GLP1R: variants seen among roughly 807,000 people sequenced by gnomAD.
GLP1R encodes the protein glucagon like peptide 1 receptor, also known as glucagon-like peptide 1 receptor.
A neutral mutation model predicts 68.4 loss-of-function variants in GLP1R; 32 were observed. The observed-to-expected ratio is 0.47, with a 90% CI of 0.35 to 0.63. The LOEUF (loss-of-function observed/expected upper bound fraction) is 0.63. Ranked by LOEUF, GLP1R falls within the 20% of genes least tolerant of loss-of-function variation. GLP1R has a pLI of 0.00. For missense variants in GLP1R, 502 were observed against 594.9 expected (o/e 0.84, Z 1.62); for synonymous variants, 263 against 244.4 (o/e 1.08, Z -0.71).
chr6:39,077,272 C>T (rs1768856504), intron 7 of GLP1R, among the ~76,000 whole-genome samples: 1 of 152,206 alleles, frequency 6.6e-6, no homozygotes, highest in Non-Finnish European at 1.5e-5. Flanking sequence ...TCTCTGAGAC[C>T]TCCTTCTAGG....
At position 39,053,314 on chromosome 6, in the gene GLP1R, C is replaced by A. The variant is rs1326228340; in HGVS notation, c.79-3083C>A. Among the ~76,000 whole-genome samples, 3 of 152,210 alleles carry A rather than the reference C, an allele frequency of 2.0e-5. No homozygotes were observed. The South Asian group carries it at 6.2e-4, about 31-fold the overall frequency. On this transcript the variant is annotated intron_variant, in intron 1 of 12. Coordinates refer to ENST00000373256, the MANE Select transcript of GLP1R (RefSeq NM_002062.5). ...GGGGACACTGGTGGGCAGGGCCTTG[C>A]CCCTCCTCACAGGGCATGGGGTCCA...
At chr6:39,056,611 G>C in intron 2 of GLP1R, 118 bp downstream of exon 2, 1 of 599,856 alleles carries the variant, frequency 1.7e-6, no homozygotes, top group Non-Finnish European at 3.1e-6. Flanking sequence ...TGCCACCCCT[G>C]CCCTCTGCCT....
chr6:39,051,581 C>T (rs371871228), intron 1 of GLP1R, among the ~76,000 whole-genome samples: 3 of 152,276 alleles, frequency 2.0e-5, no homozygotes, highest in African/African-American at 7.2e-5. Flanking sequence ...TGCCTTGCAC[C>T]AAGGCAAAAC....
chr6:39,079,017 T>G lies in GLP1R; in HGVS notation c.945T>G (p.Phe315Leu). 2 of 1,614,004 alleles carry G rather than the reference T, an allele frequency of 1.2e-6. No individual in the cohort carries two copies. The highest frequency in any genetic ancestry group is 1.7e-6 in the Non-Finnish European group (2 of 1,179,882). ...YWLIIRLPIL[F>L]AIGVNFLIFV... ...TCATTATCCGGCTGCCCATTCTCTT[T>G]GCCATTGGGGTGAGTGATGGTGTCA... Residue 315 changes from phenylalanine to leucine, a missense_variant, in exon 9 of 13, where the codon TTT becomes TTG. By Grantham distance (22) the Phe-to-Leu change is conservative. Transcript: ENST00000373256. The surrounding 1 kb of genome is among the most constrained non-coding windows in gnomAD (Gnocchi z 4.5).
At chr6:39,059,817 A>G (rs1400867923) in intron 3 of GLP1R, among the ~76,000 whole-genome samples, 2 of 152,066 alleles carry the variant, frequency 1.3e-5, no homozygotes, top group African/African-American at 4.8e-5. Context: ...ATCACTCAGC[A>G]CTAAGCCACC....
rs200969630 is a variant in GLP1R at position 39,079,684 on chromosome 6, C to T, written c.1164C>T (p.Leu388=). The T allele has an allele frequency of 4.3e-6, 7 of 1,612,634 alleles. No individual in the cohort carries two copies. In the African/African-American group the frequency reaches 9.3e-5, roughly 22 times the overall value. Residue 388 remains leucine, a synonymous_variant, in exon 11 of 13, where the codon CTC becomes CTT. Transcript: ENST00000373256. This position sits in a 1 kb window ranked among gnomAD's most constrained non-coding sequence, Gnocchi z 4.5. ...TLRFIKLFTE[L]SFTSFQGLMV... ...GCTTCATCAAGCTGTTTACAGAGCT[C>T]TCCTTCACCTCCTTCCAGGTGACTT... is the stretch of plus-strand genomic sequence containing the variant.
In GLP1R at chr6:39,085,985, C is replaced by T. The variant is rs765821452; in HGVS notation, c.1304C>T (p.Pro435Leu). The T allele has an allele frequency of 1.9e-6, 3 of 1,613,834 alleles. No homozygotes were observed. Among genetic ancestry groups the T allele is most frequent in the Admixed American group, 1.7e-5 (1 of 59,986 alleles). Residue 435 changes from proline to leucine, a missense_variant, in exon 13 of 13, where the codon CCC becomes CTC. Coordinates refer to ENST00000373256, the MANE Select transcript of GLP1R (RefSeq NM_002062.5). ...ATCCAGAGGGACAGCAGCATGAAGC[C>T]CCTCAAGTGTCCCACCAGCAGCCTG... ...LHIQRDSSMK[P>L]LKCPTSSLSS...
Position 39,087,043 on chromosome 6 carries a change from C to T in GLP1R, c.*970C>T, listed in dbSNP as rs1769169673. 1 of 152,202 alleles carries T rather than the reference C, an allele frequency of 6.6e-6. No homozygotes were observed. Among genetic ancestry groups the T allele is most frequent in the South Asian group, 2.1e-4 (1 of 4,826 alleles). The allele number at this position is 152,202 out of a possible 1,614,324, so 9.4% of individuals were successfully genotyped here. ...ACGCTGTCTCTTGAGAATTTGGATA[C>T]ACTCTCTAGCTTTAGGGGACCATGA... On this transcript the variant is annotated 3_prime_UTR_variant, in exon 13 of 13. Transcript: ENST00000373256.
At position 39,073,026 on chromosome 6, in the gene GLP1R, C is replaced by T; in HGVS notation, c.663+11C>T. On this transcript the variant is annotated intron_variant, in intron 6 of 12. Transcript: ENST00000373256. ...CTCCTCTCCTACCAGGTGTGTGGTG[C>T]ATCCAGGACCGCCTCAGGAGGGATG... is the stretch of plus-strand genomic sequence containing the variant. The T allele has an allele frequency of 6.2e-7, 1 of 1,611,990 alleles. No individual in the cohort carries two copies. The highest frequency in any genetic ancestry group is 1.3e-5 in the African/African-American group (1 of 75,042).
chr6:39,079,610 G>A lies in GLP1R; in HGVS notation c.1090G>A (p.Glu364Lys). The A allele has an allele frequency of 6.2e-7, 1 of 1,611,112 alleles. No individual in the cohort carries two copies. Among genetic ancestry groups the A allele is most frequent in the Non-Finnish European group, 8.5e-7 (1 of 1,178,804 alleles). ...ACTCATCCCCCTGCTGGGGACTCAT[G>A]AGGTCATCTTTGCCTTTGTGATGGA... ...LTLIPLLGTH[E>K]VIFAFVMDEH... Residue 364 changes from glutamate (E) to lysine (K), a missense_variant, in exon 11 of 13, where the codon GAG becomes AAG. Physicochemically the swap from Glu to Lys is moderately conservative, Grantham distance 56. Transcript: ENST00000373256. This position sits in a 1 kb window ranked among gnomAD's most constrained non-coding sequence, Gnocchi z 4.5.
At chr6:39,056,347 G>A (rs769802408) in intron 1 of GLP1R, 50 bp from the exon 2 acceptor site, 8 of 939,972 alleles carry the variant, frequency 8.5e-6, no homozygotes, top group Non-Finnish European at 1.4e-5. Flanking sequence ...GAGGGGGCAG[G>A]AGAGGGGCTG....
intron 7 of GLP1R, 61 bp downstream of exon 7, chr6:39,073,830 C>A: frequency 1.4e-6 from 2 of 1,468,422 alleles, no homozygotes; most frequent in Non-Finnish European, 1.9e-6. Flanking sequence ...CTTGACCCCT[C>A]TTCTAACATG....
chr6:39,071,085 G>A (rs189756332), intron 5 of GLP1R, among the ~76,000 whole-genome samples: 8 of 152,052 alleles, frequency 5.3e-5, no homozygotes, highest in African/African-American at 1.7e-4. Flanking sequence ...GGTGGCTCAC[G>A]CCAGTAATCC....
At chr6:39,065,440 GA>G (rs1768475416) in intron 3 of GLP1R, among the ~76,000 whole-genome samples, 1 of 152,214 alleles carries the variant, frequency 6.6e-6, no homozygotes, top group South Asian at 2.1e-4. Flanking sequence ...GGGTTGCCGA[GA>G]GGCAGGGCTG....
In GLP1R at chr6:39,066,220, G is replaced by A. The variant is rs757781097; in HGVS notation, c.426G>A (p.Leu142=). 3 of 1,610,808 alleles carry A rather than the reference G, an allele frequency of 1.9e-6. No homozygotes were observed. Among genetic ancestry groups the A allele is most frequent in the South Asian group, 1.1e-5 (1 of 91,016 alleles). The change falls in exon 5 of 13, where the codon CTG becomes CTA. Residue 142 remains leucine (L), a synonymous_variant. Coordinates refer to ENST00000373256, the MANE Select transcript of GLP1R (RefSeq NM_002062.5). ...AGAGCTCCCCGGAGGAGCAGCTCCTGTTCCTCTACATCATCTACACGGTGG... is the reference window on the plus strand; with the variant it reads ...AGAGCTCCCCGGAGGAGCAGCTCCTATTCCTCTACATCATCTACACGGTGG... The part of the protein sequence containing the change: ...GERSSPEEQL[L]FLYIIYTVGY...
At chr6:39,082,601 A>T (rs1292096094) in intron 12 of GLP1R, among the ~76,000 whole-genome samples, 2 of 152,198 alleles carry the variant, frequency 1.3e-5, no homozygotes, top group Non-Finnish European at 2.9e-5. Context: ...CCATATCCTC[A>T]AAATGAGTTT....
At chr6:39,054,104 A>G (rs565649908) in intron 1 of GLP1R, among the ~76,000 whole-genome samples, 2 of 151,658 alleles carry the variant, frequency 1.3e-5, no homozygotes, top group South Asian at 2.1e-4. Flanking sequence ...TCTGCACTGA[A>G]CCCTGCCCCA....
At chr6:39,053,656 C>T (rs981454350) in intron 1 of GLP1R, among the ~76,000 whole-genome samples, 3 of 152,182 alleles carry the variant, frequency 2.0e-5, no homozygotes, top group African/African-American at 7.2e-5. Flanking sequence ...GCTGCTGTTC[C>T]CTTTTGCACA....
At chr6:39,071,397 TTACCC>T (rs971507161) in intron 5 of GLP1R, among the ~76,000 whole-genome samples, 2 of 151,672 alleles carry the variant, frequency 1.3e-5, no homozygotes, top group Non-Finnish European at 2.9e-5. Flanking sequence ...AAATCTTTCC[TTACCC>T]TAGTGTCATA....
Sources: gnomAD v4.1 joint callset for allele counts (sites outside exome capture counted in the v4.1 genomes callset) on GRCh38, gnomAD v4.1.1 for gene constraint, Gnocchi (gnomAD v3.1) non-coding constraint, MANE v1.5 for transcripts, NCBI Gene and HGNC (gene_info 2026-07-23, HGNC 2026-07-21) for gene names.